THAP4: variants seen among roughly 807,000 people sequenced by gnomAD.
THAP4 encodes THAP domain containing 4, also known as peroxynitrite isomerase THAP4.
A neutral mutation model predicts 48.1 loss-of-function variants in THAP4; 18 were observed. The ratio of observed to expected loss-of-function variants is 0.37; its 90% CI spans 0.26 to 0.56. The LOEUF is 0.56. THAP4 is among the 20% of genes least tolerant of loss of function. The pLI, the probability that THAP4 is intolerant of heterozygous loss-of-function variation, is 0.78. For missense variants in THAP4, 656 were observed against 774.9 expected (o/e 0.85, Z 1.82); for synonymous variants, 345 against 324.9 (o/e 1.06, Z -0.66).
At chr2:241,614,367 A>T (rs970795753) in intron 2 of THAP4, among the ~76,000 whole-genome samples, 3 of 152,182 alleles carry the variant, frequency 2.0e-5, no homozygotes, top group African/African-American at 7.2e-5. Context: ...AATGAAGGGC[A>T]GAATGCACAA....
intron 1 of THAP4, among the ~76,000 whole-genome samples, chr2:241,636,288 T>C (rs990122868): frequency 8.5e-5 from 13 of 152,258 alleles, no homozygotes; most frequent in Admixed American, 3.3e-4. Flanking sequence ...TTTTAAAGTC[T>C]GTTCGCGGTT....
Position 241,602,159 on chromosome 2 carries a change from A to G in THAP4, c.1511-160T>C, listed in dbSNP as rs1193379679. 5.8e-6 allele frequency: 4 copies of G among 684,498 alleles called. No homozygotes were observed. The African/African-American group carries it at 7.2e-5, about 12-fold the overall frequency. 42.4% of individuals were successfully genotyped at this position (684,498 alleles called of 1,614,324 possible). A position where few individuals can be genotyped will look rare whatever the true frequency, so the allele number is the denominator to read the frequency against. On this transcript the variant is annotated intron_variant, in intron 4 of 5. Coordinates refer to ENST00000407315, the MANE Select transcript of THAP4 (RefSeq NM_015963.6). The stretch of plus-strand genomic sequence containing the variant: ...CTCCTCCCCACTTCACCCTGTGGAT[A>G]CGGAGGGAAAGCCACAACTCTCCTC...
At chr2:241,594,713 T>C (rs191817086) in intron 5 of THAP4, 210 of 181,200 alleles carry the variant, frequency 1.2e-3, no homozygotes, top group Non-Finnish European at 2.0e-3. Flanking sequence ...AGCCAAGATC[T>C]TGCTACTGTA....
At chr2:241,618,876 C>T (rs1001569432) in intron 2 of THAP4, among the ~76,000 whole-genome samples, 7 of 152,148 alleles carry the variant, frequency 4.6e-5, no homozygotes, top group African/African-American at 9.7e-5. Context: ...GAGGTGACCA[C>T]CTTGAAATGA....
intron 5 of THAP4, among the ~76,000 whole-genome samples, chr2:241,597,059 A>C (rs1001471356): frequency 2.0e-5 from 3 of 152,224 alleles, no homozygotes; most frequent in African/African-American, 7.2e-5. Context: ...ATGAAGTGAG[A>C]AATTTTTCAG....
chr2:241,603,373 C>T (rs1389626056), intron 3 of THAP4, among the ~76,000 whole-genome samples: 11 of 139,844 alleles, frequency 7.9e-5, no homozygotes, highest in African/African-American at 2.3e-4. Context: ...CTCCTGAAGA[C>T]GGGCTGTTCC....
intron 2 of THAP4, among the ~76,000 whole-genome samples, chr2:241,621,628 A>G (rs918040444): frequency 1.3e-5 from 2 of 152,178 alleles, no homozygotes; most frequent in African/African-American, 4.8e-5. Context: ...GAAAAAAAAA[A>G]TCAGAATATT....
At chr2:241,631,411 TAACAGTAAAATATGGGAAAA>T (rs1451142669) in intron 2 of THAP4, among the ~76,000 whole-genome samples, 1 of 152,140 alleles carries the variant, frequency 6.6e-6, no homozygotes, top group Non-Finnish European at 1.5e-5. Context: ...AAGAAATACT[TAACAGTAAAATATGGGAAAA>T]AACAGAAATA....
chr2:241,632,035 G>A (rs984185997), intron 2 of THAP4, among the ~76,000 whole-genome samples: 17 of 151,600 alleles, frequency 1.1e-4, no homozygotes, highest in Admixed American at 9.2e-4. Context: ...AGCCTCCTGA[G>A]TAGCTGGCAT....
intron 2 of THAP4, among the ~76,000 whole-genome samples, chr2:241,619,091 C>T (rs907737704): frequency 6.6e-6 from 1 of 152,208 alleles, no homozygotes. Context: ...AATCGAGTCA[C>T]AGGCTGGAGC....
Position 241,637,027 on chromosome 2 carries a change from TGGCCCAGCCGCGCAGCCAGGCCCC to T in THAP4, c.-34_-11del, listed in dbSNP as rs1559239728. ...CACAGCAGATCACCATCGCGGGCCT[TGGCCCAGCCGCGCAGCCAGGCCCC>T]GGCCCTAGCCGCCCGCCCGCCCGCG... is the stretch of plus-strand genomic sequence containing the variant. On this transcript the variant is annotated 5_prime_UTR_variant, in exon 1 of 6. Transcript: ENST00000407315. The T allele has an allele frequency of 2.4e-6, 3 of 1,258,768 alleles. No individual in the cohort carries two copies. The highest frequency in any genetic ancestry group is 3.1e-6 in the Non-Finnish European group (3 of 977,200). 78.0% of individuals were successfully genotyped at this position (1,258,768 alleles called of 1,614,324 possible). A position where few individuals can be genotyped will look rare whatever the true frequency, so the allele number is the denominator to read the frequency against.
At chr2:241,604,690 G>A (rs545285130) in intron 3 of THAP4, among the ~76,000 whole-genome samples, 2 of 150,308 alleles carry the variant, frequency 1.3e-5, no homozygotes, top group South Asian at 2.1e-4. Flanking sequence ...GATTACAGGC[G>A]TCAGCCACCG....
At chr2:241,605,125 C>T (rs931686612) in intron 3 of THAP4, among the ~76,000 whole-genome samples, 1 of 152,098 alleles carries the variant, frequency 6.6e-6, no homozygotes, top group Non-Finnish European at 1.5e-5. Context: ...TTTTGTATTA[C>T]CCAGAATTCT....
intron 2 of THAP4, among the ~76,000 whole-genome samples, chr2:241,628,720 C>T (rs1168670536): frequency 2.9e-5 from 4 of 140,102 alleles, no homozygotes; most frequent in African/African-American, 1.1e-4. Flanking sequence ...GCCAACATGG[C>T]AAAACCCCAT....
chr2:241,608,804 C>CA (rs1272403589), intron 2 of THAP4, among the ~76,000 whole-genome samples: 2 of 152,210 alleles, frequency 1.3e-5, no homozygotes, highest in African/African-American at 4.8e-5. Flanking sequence ...GCTGTTGGGG[C>CA]ACTGTGAAAA....
Position 241,636,972 on chromosome 2 carries a change from T to C in THAP4, c.46A>G (p.Lys16Glu). 1.5e-6 allele frequency: 2 copies of C among 1,321,926 alleles called. No individual in the cohort carries two copies. The highest frequency in any genetic ancestry group is 2.0e-6 in the Non-Finnish European group (2 of 1,012,590). 81.9% of individuals were successfully genotyped at this position (1,321,926 alleles called of 1,614,324 possible). A position where few individuals can be genotyped will look rare whatever the true frequency, so the allele number is the denominator to read the frequency against. ...AAVNCSNRQGKGEKRAVSFHR... is the reference protein window; with the variant it reads ...AAVNCSNRQGEGEKRAVSFHR... Reference sequence around the variant, plus strand: ...AAGGAGACGGCGCGCTTCTCGCCCTTTCCCTGCCGGTTGGAGCAGTTCACG... The same window carrying C: ...AAGGAGACGGCGCGCTTCTCGCCCTCTCCCTGCCGGTTGGAGCAGTTCACG... The change falls in exon 1 of 6, where the codon AAG (lysine) becomes GAG (glutamate). Residue 16 changes from lysine to glutamate, a missense_variant. By Grantham distance (56) the Lys-to-Glu change is moderately conservative. Coordinates refer to ENST00000407315, the MANE Select transcript of THAP4 (RefSeq NM_015963.6).
chr2:241,623,229 A>G (rs1575036017), intron 2 of THAP4, among the ~76,000 whole-genome samples: 1 of 151,956 alleles, frequency 6.6e-6, no homozygotes, highest in East Asian at 1.9e-4. Context: ...TAATAATAAT[A>G]ATAAAAATAA....
At chr2:241,586,022 G>A (rs372103117) in intron 5 of THAP4, among the ~76,000 whole-genome samples, 18 of 151,360 alleles carry the variant, frequency 1.2e-4, no homozygotes, top group African/African-American at 3.6e-4. Context: ...TTGGGAGGCC[G>A]AGGCGGGCGG....
At chr2:241,619,231 T>C (rs1489728399) in intron 2 of THAP4, among the ~76,000 whole-genome samples, 1 of 152,066 alleles carries the variant, frequency 6.6e-6, no homozygotes, top group Non-Finnish European at 1.5e-5. Flanking sequence ...ACAAGGACAC[T>C]CGAGGAATTT....
Sources: allele counts gnomAD v4.1 joint callset (sites outside exome capture counted in the v4.1 genomes callset), GRCh38; gene constraint gnomAD v4.1.1; transcripts MANE v1.5; gene names NCBI Gene and HGNC (gene_info 2026-07-23, HGNC 2026-07-21).